The following C1orf87 variants were observed in gnomAD, a reference collection of about 807,000 sequenced individuals.
C1orf87 encodes the protein chromosome 1 open reading frame 87, also known as uncharacterized protein C1orf87.
In C1orf87, 58 loss-of-function variants were observed where a neutral mutation model predicts 60.5. The ratio of observed to expected loss-of-function variants is 0.96; its 90% CI spans 0.78 to 1.19. C1orf87 has a LOEUF of 1.19. Ranked by LOEUF, C1orf87 falls within the 50% of genes most tolerant of loss-of-function variation. The pLI, the probability that C1orf87 is intolerant of heterozygous loss-of-function variation, is 0.00. For synonymous variants in C1orf87, 236 were observed against 227.4 expected (o/e 1.04, Z -0.34); for missense variants, 673 against 638.6 (o/e 1.05, Z -0.58).
rs550604772 is a variant in C1orf87, at chr1:60,049,282, T to A, written c.342+5922A>T. On this transcript the variant is annotated intron_variant, in intron 3 of 11. Coordinates refer to ENST00000371201, the MANE Select transcript of C1orf87 (RefSeq NM_152377.3). ...TTATGGATTTTGCCAAATTATGTTA[T>A]CAATTTCCTGGATTTTGCTAATGAG... Among the ~76,000 whole-genome samples, 278 of 152,242 alleles carry A rather than the reference T, an allele frequency of 1.8e-3. 1 individual carries two copies. The highest frequency in any genetic ancestry group is 6.8e-3 in the Middle Eastern group (2 of 294).
At position 60,036,340 on chromosome 1, in the gene C1orf87, T is replaced by TCAAA. The variant is rs113124628; in HGVS notation, c.863+1648_863+1651dup. Among the ~76,000 whole-genome samples, 1,239 of 152,204 alleles carry TCAAA rather than the reference T, an allele frequency of 8.1e-3. 7 individuals carry two copies. The highest frequency in any genetic ancestry group is 0.014 in the Middle Eastern group (4 of 294). The stretch of plus-strand genomic sequence containing the variant: ...TCCAACTGTTGGCCCAAGGACATTT[T>TCAAA]CAAACAAACAAACAAACAAACAAAC... On this transcript the variant is annotated intron_variant, in intron 6 of 11. Coordinates refer to ENST00000371201, the MANE Select transcript of C1orf87 (RefSeq NM_152377.3).
chr1:60,060,337 G>A (rs1351773081), intron 2 of C1orf87, among the ~76,000 whole-genome samples: 2 of 152,004 alleles, frequency 1.3e-5, no homozygotes, highest in African/African-American at 4.8e-5. Flanking sequence ...GCTGTGAGAT[G>A]AGAAAAAATA....
At chr1:60,013,651 C>A (rs1645104579) in intron 8 of C1orf87, among the ~76,000 whole-genome samples, 3 of 147,838 alleles carry the variant, frequency 2.0e-5, no homozygotes, top group Non-Finnish European at 4.5e-5. Context: ...AATTGTGGCT[C>A]CCTTTCCATG....
At chr1:60,026,952 GATT>G (rs1645202235) in intron 7 of C1orf87, among the ~76,000 whole-genome samples, 1 of 152,138 alleles carries the variant, frequency 6.6e-6, no homozygotes, top group African/African-American at 2.4e-5. Flanking sequence ...TTCATGTTTA[GATT>G]TGAAGTTCTG....
chr1:60,039,832 A>T, intron 5 of C1orf87, 85 bp downstream of exon 5: 1 of 1,411,384 alleles, frequency 7.1e-7, no homozygotes, highest in Non-Finnish European at 9.6e-7. Context: ...GCAAGAAAGT[A>T]GCTAACTTCT....
chr1:60,009,638 G>C (rs745708403), intron 9 of C1orf87, among the ~76,000 whole-genome samples: 1 of 146,778 alleles, frequency 6.8e-6, no homozygotes, highest in Admixed American at 6.9e-5. Context: ...ACACACACAC[G>C]CACACACACA....
intron 11 of C1orf87, among the ~76,000 whole-genome samples, chr1:59,991,322 T>C (rs1391084645): frequency 6.6e-6 from 1 of 152,294 alleles, no homozygotes; most frequent in Non-Finnish European, 1.5e-5. Context: ...AGGTCCATAA[T>C]ATTCCCCTCC....
chr1:60,050,512 G>T (rs1019754273), intron 3 of C1orf87, among the ~76,000 whole-genome samples: 1 of 150,286 alleles, frequency 6.7e-6, no homozygotes, highest in African/African-American at 2.5e-5. Flanking sequence ...TATCTAGTTT[G>T]CCAAATTCTC....
chr1:60,038,084 C>A lies in C1orf87; in HGVS notation c.771G>T (p.Trp257Cys), dbSNP rs117631684. The A allele has an allele frequency of 1.5e-5, 24 of 1,569,860 alleles. No individual in the cohort carries two copies. The South Asian group carries it at 2.0e-4, about 13-fold the overall frequency. ...AATCTGATGCTGCACTGTTTAAAAA[C>A]CAGAGTAGCTTTTCATAATTCACCT... ...PEMVNYEKLLWFLNSAASDYP... is the reference protein window; with the variant it reads ...PEMVNYEKLLCFLNSAASDYP... The change falls in exon 6 of 12, where the codon TGG becomes TGT. Residue 257 changes from tryptophan to cysteine, a missense_variant. Physicochemically the swap from Trp to Cys is radical, Grantham distance 215. Transcript: ENST00000371201.
intron 2 of C1orf87, among the ~76,000 whole-genome samples, chr1:60,067,560 G>GTT (rs34417479): frequency 2.5e-4 from 15 of 58,928 alleles, no homozygotes; most frequent in South Asian, 8.6e-4. Flanking sequence ...TTTTGATGGG[G>GTT]TTTTTTTTTT....
intron 2 of C1orf87, among the ~76,000 whole-genome samples, chr1:60,065,202 A>G (rs1458304791): frequency 6.6e-6 from 1 of 150,720 alleles, no homozygotes; most frequent in Non-Finnish European, 1.5e-5. Context: ...TCGGTTTGTA[A>G]CAGTAAATGA....
chr1:60,043,937 C>T (rs1345814189), intron 3 of C1orf87, among the ~76,000 whole-genome samples: 1 of 152,212 alleles, frequency 6.6e-6, no homozygotes, highest in African/African-American at 2.4e-5. Context: ...TTATCCTTGA[C>T]ACTACAGATA....
intron 8 of C1orf87, among the ~76,000 whole-genome samples, chr1:60,012,070 A>G (rs1645089275): frequency 6.6e-6 from 1 of 152,046 alleles, no homozygotes; most frequent in Non-Finnish European, 1.5e-5. Flanking sequence ...AGATCTGCAA[A>G]TAAACTACAA....
intron 8 of C1orf87, among the ~76,000 whole-genome samples, chr1:60,020,665 T>C (rs1645157134): frequency 6.6e-6 from 1 of 152,194 alleles, no homozygotes; most frequent in South Asian, 2.1e-4. Context: ...CCACTGTATC[T>C]TGGAAGTAAG....
chr1:60,052,421 T>C (rs1645421170), intron 3 of C1orf87, among the ~76,000 whole-genome samples: 1 of 152,208 alleles, frequency 6.6e-6, no homozygotes, highest in Admixed American at 6.5e-5. Flanking sequence ...CCAAGCTCTT[T>C]TCCTGTGAGA....
intron 2 of C1orf87, among the ~76,000 whole-genome samples, chr1:60,067,904 G>GTT (rs978169517): frequency 9.2e-5 from 14 of 151,990 alleles, no homozygotes; most frequent in African/African-American, 2.7e-4. Flanking sequence ...TTTGTATAAG[G>GTT]TATAAGGAAG....
At chr1:60,055,746 C>T (rs1011175543) in intron 2 of C1orf87, among the ~76,000 whole-genome samples, 2 of 152,140 alleles carry the variant, frequency 1.3e-5, no homozygotes, top group African/African-American at 4.8e-5. Context: ...AAGGTTATCA[C>T]ATTTCTTACT....
At chr1:60,035,549 CT>C (rs1645269911) in intron 6 of C1orf87, among the ~76,000 whole-genome samples, 1 of 152,304 alleles carries the variant, frequency 6.6e-6, no homozygotes, top group East Asian at 1.9e-4. Flanking sequence ...TGATCCATAC[CT>C]TAATTAACAA....
At chr1:60,039,581 T>C (rs1381677730) in intron 5 of C1orf87, among the ~76,000 whole-genome samples, 1 of 152,236 alleles carries the variant, frequency 6.6e-6, no homozygotes, top group Non-Finnish European at 1.5e-5. Context: ...GTCTCAATTC[T>C]TACCTTGGGT....
Sources: allele counts gnomAD v4.1 joint callset (sites outside exome capture counted in the v4.1 genomes callset), GRCh38; gene constraint gnomAD v4.1.1; transcripts MANE v1.5; gene names NCBI Gene and HGNC (gene_info 2026-07-23, HGNC 2026-07-21).